RAB3GAP2: variants seen among roughly 807,000 people sequenced by gnomAD.
The protein encoded by RAB3GAP2 is RAB3 GTPase activating non-catalytic protein subunit 2.
RAB3GAP2 carries 87 observed loss-of-function variants against 185.3 expected under a neutral mutation model. The observed-to-expected ratio is 0.47, with a 90% confidence interval of 0.39 to 0.56. RAB3GAP2 has a LOEUF of 0.56. Ranked by LOEUF, RAB3GAP2 falls within the 20% of genes least tolerant of loss-of-function variation. The pLI is 0.00. For synonymous variants in RAB3GAP2, 554 were observed against 576.1 expected (o/e 0.96, Z 0.55); for missense variants, 1,492 against 1,638.2 (o/e 0.91, Z 1.54).
At chr1:220,222,222 T>C (rs2102886541) in intron 2 of RAB3GAP2, among the ~76,000 whole-genome samples, 1 of 152,334 alleles carries the variant, frequency 6.6e-6, no homozygotes, top group East Asian at 1.9e-4. Flanking sequence ...TTTTCTTTTT[T>C]TTTCTATTCT....
intron 9 of RAB3GAP2, 44 bp downstream of exon 9, chr1:220,202,232 T>C: frequency 6.3e-7 from 1 of 1,589,442 alleles, no homozygotes; most frequent in East Asian, 2.3e-5. Flanking sequence ...CAATAAAAAG[T>C]GTAAGAAGTA....
Position 220,182,288 on chromosome 1 carries a change from T to A in RAB3GAP2, c.2279A>T (p.Glu760Val). The A allele has an allele frequency of 6.2e-7, 1 of 1,614,016 alleles. No individual in the cohort carries two copies. Among genetic ancestry groups the A allele is most frequent in the South Asian group, 1.1e-5 (1 of 91,088 alleles). The change falls in exon 21 of 35, where the codon GAG (glutamate) becomes GTG (valine). Residue 760 changes from glutamate to valine, a missense_variant. Transcript: ENST00000358951. ...CAGCTGAGGGCTAAGACCAGCCGAC[T>A]CCAAAGTGTGACACATATCCTCAGT... The part of the protein sequence containing the change: ...SSTEDMCHTL[E>V]SAGLSPQLLL...
In RAB3GAP2 at chr1:220,213,904, T is replaced by G; in HGVS notation, c.256A>C (p.Asn86His). 6.2e-7 allele frequency: 1 copy of G among 1,613,200 alleles called. No individual in the cohort carries two copies. The highest frequency in any genetic ancestry group is 8.5e-7 in the Non-Finnish European group (1 of 1,179,246). The change falls in exon 3 of 35, where the codon AAT (asparagine) becomes CAT (histidine). Residue 86 changes from asparagine (N) to histidine (H), a missense_variant. Coordinates refer to ENST00000358951, the MANE Select transcript of RAB3GAP2 (RefSeq NM_012414.4). The part of the protein sequence containing the change: ...QDCVLSLSPT[N>H]DLMVIAREQK... ...TCTCGAGCTATCACCATAAGATCAT[T>G]GGTTGGAGATAAGGATAAAACACAA...
At chr1:220,222,709 T>A (rs890298454) in intron 2 of RAB3GAP2, among the ~76,000 whole-genome samples, 1 of 152,180 alleles carries the variant, frequency 6.6e-6, no homozygotes, top group African/African-American at 2.4e-5. Context: ...GTATATATAA[T>A]ATGATCTCAT....
chr1:220,191,946 G>T (rs1308274831), intron 13 of RAB3GAP2, among the ~76,000 whole-genome samples: 1 of 152,144 alleles, frequency 6.6e-6, no homozygotes, highest in African/African-American at 2.4e-5. Flanking sequence ...GTTACAGGAC[G>T]ATGGGAGGAA....
At chr1:220,214,145 A>G (rs948637226) in intron 2 of RAB3GAP2, among the ~76,000 whole-genome samples, 166 bp from the exon 3 acceptor site, 2 of 152,236 alleles carry the variant, frequency 1.3e-5, no homozygotes, top group African/African-American at 4.8e-5. Context: ...AAGATGGCTG[A>G]CAAACAAAAT....
chr1:220,157,222 C>A (rs764208801), intron 31 of RAB3GAP2, 48 bp downstream of exon 31: 3 of 1,493,546 alleles, frequency 2.0e-6, no homozygotes, highest in South Asian at 2.3e-5. Flanking sequence ...CATGTGTCTG[C>A]TAAGCCTGCA....
chr1:220,151,111 T>C lies in RAB3GAP2; in HGVS notation c.*140A>G. 1 of 856,566 alleles carries C rather than the reference T, an allele frequency of 1.2e-6. No individual in the cohort carries two copies. 53.1% of individuals were successfully genotyped at this position (856,566 alleles called of 1,614,324 possible). A position where few individuals can be genotyped will look rare whatever the true frequency, so the allele number is the denominator to read the frequency against. ...AGCCAGGGTTGCACTTTTTAAAAGT[T>C]GTATATACTTTTATTTATTTTACAA... On this transcript the variant is annotated 3_prime_UTR_variant, in exon 35 of 35. Coordinates refer to ENST00000358951, the MANE Select transcript of RAB3GAP2 (RefSeq NM_012414.4).
In RAB3GAP2 at chr1:220,153,324, G is replaced by A; in HGVS notation, c.3728C>T (p.Pro1243Leu). The change falls in exon 33 of 35, where the codon CCC (proline) becomes CTC (leucine). Residue 1243 changes from proline to leucine, a missense_variant. Physicochemically the swap from Pro to Leu is moderately conservative, Grantham distance 98. This residue lies in a region of RAB3GAP2 where 387 missense variants were observed against 455.3 expected (regional missense o/e 0.85). Coordinates refer to ENST00000358951, the MANE Select transcript of RAB3GAP2 (RefSeq NM_012414.4). ...KVKDPTEEATPTPFGKDQDWP... is the reference protein window; with the variant it reads ...KVKDPTEEATLTPFGKDQDWP... ...ATCTTGGTCTTTCCCAAAAGGAGTG[G>A]GTGTGGCCTCTTCTGTGGGATCTTT... 6.2e-7 allele frequency: 1 copy of A among 1,614,168 alleles called. No homozygotes were observed. Among genetic ancestry groups the A allele is most frequent in the Non-Finnish European group, 8.5e-7 (1 of 1,180,006 alleles).
At chr1:220,235,434 A>G (rs1659573169) in intron 1 of RAB3GAP2, among the ~76,000 whole-genome samples, 1 of 152,240 alleles carries the variant, frequency 6.6e-6, no homozygotes, top group South Asian at 2.1e-4. Context: ...GCTTATTACT[A>G]TAAAGTTCAT....
intron 32 of RAB3GAP2, 117 bp downstream of exon 32, chr1:220,153,851 G>C: frequency 7.0e-7 from 1 of 1,418,618 alleles, no homozygotes; most frequent in Non-Finnish European, 9.6e-7. Context: ...AACATGTGCT[G>C]TTTGGTTTTC....
At chr1:220,223,679 G>A (rs957428517) in intron 2 of RAB3GAP2, among the ~76,000 whole-genome samples, 31 of 149,644 alleles carry the variant, frequency 2.1e-4, no homozygotes, top group African/African-American at 6.6e-4. Flanking sequence ...CATGGGTGGA[G>A]AGAAATATTT....
At chr1:220,171,773 G>A (rs1658181972) in intron 23 of RAB3GAP2, 116 bp downstream of exon 23, 3 of 1,112,080 alleles carry the variant, frequency 2.7e-6, no homozygotes, top group Non-Finnish European at 4.1e-6. Flanking sequence ...ATTAAGGGGA[G>A]CACCTCTCAT....
intron 17 of RAB3GAP2, among the ~76,000 whole-genome samples, chr1:220,187,598 T>C (rs1413179711): frequency 6.6e-6 from 1 of 152,094 alleles, no homozygotes; most frequent in East Asian, 1.9e-4. Context: ...TAATCAATCA[T>C]GCTTATATAA....
rs967296350 is a variant in RAB3GAP2, at chr1:220,254,345, G to C, written c.115+17878C>G. On this transcript the variant is annotated intron_variant, in intron 1 of 34. Transcript: ENST00000358951. Reference sequence around the variant, plus strand: ...GATGCACCCATGTCCCAGGTGTATGGAGCGCCACATCTCCTGAGATTATTT... The same window carrying C: ...GATGCACCCATGTCCCAGGTGTATGCAGCGCCACATCTCCTGAGATTATTT... The C allele has an allele frequency of 1.6e-5, 26 of 1,613,404 alleles. No homozygotes were observed. In the African/African-American group the frequency reaches 3.3e-4, roughly 21 times the overall value.
In RAB3GAP2 at chr1:220,214,848, T is replaced by C. The variant is rs970061162; in HGVS notation, c.181-869A>G. Among the ~76,000 whole-genome samples the C allele has an allele frequency of 5.3e-5, 8 of 150,834 alleles. 1 individual carries two copies. The East Asian group carries it at 1.4e-3, about 26-fold the overall frequency. On this transcript the variant is annotated intron_variant, in intron 2 of 34. Transcript: ENST00000358951. ...GTACTCTAGCCATCTAGTTGTTAAC[T>C]CTAGAGACAATGCAATCAGTTCTTA...
intron 26 of RAB3GAP2, among the ~76,000 whole-genome samples, 163 bp from the exon 27 acceptor site, chr1:220,164,962 TG>T (rs1185020751): frequency 6.6e-6 from 1 of 152,010 alleles, no homozygotes; most frequent in Non-Finnish European, 1.5e-5. Context: ...TTTGATAAAC[TG>T]TCCCTCTTCA....
intron 2 of RAB3GAP2, among the ~76,000 whole-genome samples, chr1:220,214,185 A>G (rs1437768116): frequency 6.6e-6 from 1 of 152,228 alleles, no homozygotes; most frequent in African/African-American, 2.4e-5. Context: ...TCAGTTTTGA[A>G]TATTAATGCA....
At position 220,196,372 on chromosome 1, in the gene RAB3GAP2, G is replaced by T; in HGVS notation, c.838C>A (p.Gln280Lys). The T allele has an allele frequency of 1.9e-6, 3 of 1,603,404 alleles. No individual in the cohort carries two copies. Among genetic ancestry groups the T allele is most frequent in the Non-Finnish European group, 2.6e-6 (3 of 1,171,352 alleles). Reference protein sequence around the residue: ...VGIMTLSPFDQMKTASNIGGF... With the variant: ...VGIMTLSPFDKMKTASNIGGF... ...CCTATATTGGAGGCAGTCTTCATTTGATCAAAGGGGGACAGAGTCATAATA... is the reference window on the plus strand; with the variant it reads ...CCTATATTGGAGGCAGTCTTCATTTTATCAAAGGGGGACAGAGTCATAATA... The change falls in exon 10 of 35, where the codon CAA (glutamine) becomes AAA (lysine). Residue 280 changes from glutamine to lysine, a missense_variant. Transcript: ENST00000358951.
Sources: allele counts gnomAD v4.1 joint callset (sites outside exome capture counted in the v4.1 genomes callset), GRCh38; gene constraint gnomAD v4.1.1; regional missense constraint gnomAD v4.1.1; transcripts MANE v1.5; gene names NCBI Gene and HGNC (gene_info 2026-07-23, HGNC 2026-07-21).